Variants in RAPGEF6 observed in about 807,000 individuals in gnomAD.
RAPGEF6 encodes PDZ domain containing guanine nucleotide exchange factor (GEF) 2.
RAPGEF6 carries 56 observed loss-of-function variants against 171.4 expected under a neutral mutation model. That is an observed-to-expected ratio of 0.33 (90% CI 0.26 to 0.41). The LOEUF (loss-of-function observed/expected upper bound fraction) is 0.41, where lower values mean the gene tolerates loss of function less well. Ranked by LOEUF, RAPGEF6 falls within the 10% of genes least tolerant of loss-of-function variation. The pLI is 1.00. For missense variants in RAPGEF6, 1,674 were observed against 1,921.4 expected, an observed-to-expected ratio of 0.87 and a Z score of 2.41; for synonymous variants, 692 against 650.1, an observed-to-expected ratio of 1.06 and a Z score of -0.98.
Position 131,562,020 on chromosome 5 carries a change from T to G in RAPGEF6, c.309A>C (p.Arg103Ser). 6.3e-7 allele frequency: 1 copy of G among 1,590,296 alleles called. No individual in the cohort carries two copies. The highest frequency in any genetic ancestry group is 8.5e-7 in the Non-Finnish European group (1 of 1,170,230). The change falls in exon 5 of 28, where the codon AGA becomes AGC. Residue 103 changes from arginine (R) to serine (S), a missense_variant. By Grantham distance (110) the Arg-to-Ser change is moderately radical. Coordinates refer to ENST00000509018, the MANE Select transcript of RAPGEF6 (RefSeq NM_016340.6). ...GCTCTAATACAAGACAATCACATCC[T>G]CTTTTTCCTCCAAACTGCTTACCAA... is the stretch of plus-strand genomic sequence containing the variant. ...CSFGKQFGGK[R>S]GCDCLVLEPS...
intron 7 of RAPGEF6, among the ~76,000 whole-genome samples, chr5:131,518,764 GATGTT>G (rs1320089614): frequency 6.6e-6 from 1 of 151,820 alleles, no homozygotes; most frequent in Non-Finnish European, 1.5e-5. Flanking sequence ...TTATATATTT[GATGTT>G]AACATTATTA....
intron 4 of RAPGEF6, among the ~76,000 whole-genome samples, chr5:131,586,243 A>G (rs1763247368): frequency 6.6e-6 from 1 of 152,254 alleles, no homozygotes. Flanking sequence ...ATTTCCAACA[A>G]AAATAACCAA....
At chr5:131,615,071 T>C (rs569670875) in intron 1 of RAPGEF6, among the ~76,000 whole-genome samples, 8 of 152,338 alleles carry the variant, frequency 5.3e-5, no homozygotes, top group South Asian at 2.1e-4. Flanking sequence ...TGTGATTTAA[T>C]AGGTCCTACA....
At chr5:131,465,175 T>C (rs530694193) in intron 17 of RAPGEF6, among the ~76,000 whole-genome samples, 3 of 152,300 alleles carry the variant, frequency 2.0e-5, no homozygotes, top group African/African-American at 7.2e-5. Context: ...TTTATTTATT[T>C]GTAACACAAG....
At position 131,433,448 on chromosome 5, in the gene RAPGEF6, T is replaced by C; in HGVS notation, c.3956A>G (p.His1319Arg). The C allele has an allele frequency of 6.2e-7, 1 of 1,611,954 alleles. No homozygotes were observed. Among genetic ancestry groups the C allele is most frequent in the Non-Finnish European group, 8.5e-7 (1 of 1,177,982 alleles). ...TGCTTACCCAGGGCCATGTTGACTA[T>C]GATCTCCTATCCCTGAAGCGTGCTC... Reference protein sequence around the residue: ...KTEHASGIGDHSQHGPGWTLL... With the variant: ...KTEHASGIGDRSQHGPGWTLL... The change falls in exon 25 of 28, where the codon CAT becomes CGT. Residue 1319 changes from histidine to arginine, a missense_variant. Coordinates refer to ENST00000509018, the MANE Select transcript of RAPGEF6 (RefSeq NM_016340.6).
At chr5:131,578,089 G>A (rs1762712348) in intron 4 of RAPGEF6, among the ~76,000 whole-genome samples, 1 of 152,110 alleles carries the variant, frequency 6.6e-6, no homozygotes, top group Non-Finnish European at 1.5e-5. Flanking sequence ...ATTATCTTCT[G>A]GTTTTTCCTC....
At chr5:131,538,957 G>A (rs1759955411) in intron 6 of RAPGEF6, among the ~76,000 whole-genome samples, 2 of 152,168 alleles carry the variant, frequency 1.3e-5, no homozygotes, top group Non-Finnish European at 2.9e-5. Context: ...CCTAAAGGAT[G>A]TTAGATACTC....
In RAPGEF6 at chr5:131,495,555, T is replaced by A. The variant is rs1281256167; in HGVS notation, c.1525A>T (p.Thr509Ser). Residue 509 changes from threonine (T) to serine (S), a missense_variant and splice_region_variant, in exon 13 of 28, where the codon ACA becomes TCA. This residue lies in a region of RAPGEF6 where 1,116 missense variants were observed against 1,321.5 expected (regional missense o/e 0.84). Coordinates refer to ENST00000509018, the MANE Select transcript of RAPGEF6 (RefSeq NM_016340.6). ...LEEFEKNLED[T>S]KMNGHLRLLN... The stretch of plus-strand genomic sequence containing the variant: ...ATAGAAATTATTTTGAGCCTTACTG[T>A]ATCTTCCAGATTTTTTTCAAATTCC... 1 of 1,612,828 alleles carries A rather than the reference T, an allele frequency of 6.2e-7. No individual in the cohort carries two copies. Among genetic ancestry groups the A allele is most frequent in the Admixed American group, 1.7e-5 (1 of 60,000 alleles).
chr5:131,630,076 C>G (rs1023987460), intron 1 of RAPGEF6, among the ~76,000 whole-genome samples: 2 of 152,184 alleles, frequency 1.3e-5, no homozygotes, highest in Non-Finnish European at 2.9e-5. Context: ...GCATCACATG[C>G]TAAAGAGAAA....
At chr5:131,600,193 G>T (rs572634049) in intron 3 of RAPGEF6, among the ~76,000 whole-genome samples, 1 of 152,294 alleles carries the variant, frequency 6.6e-6, no homozygotes, top group Non-Finnish European at 1.5e-5. Context: ...AATCTTTTAT[G>T]AAAATAGTTC....
chr5:131,595,817 G>C (rs1027543843), intron 3 of RAPGEF6, among the ~76,000 whole-genome samples: 1 of 146,224 alleles, frequency 6.8e-6, no homozygotes, highest in Non-Finnish European at 1.5e-5. Flanking sequence ...TGTATGCTGC[G>C]TATAACAGAC....
chr5:131,551,016 C>T lies in RAPGEF6; in HGVS notation c.352-2826G>A, dbSNP rs377324632. ...TATTCATCTTTGTTCACCTAATATT[C>T]AAGACATTTGCCAAAATAGGTGTTT... On this transcript the variant is annotated intron_variant, in intron 5 of 27. Transcript: ENST00000509018. Among the ~76,000 whole-genome samples, 5 of 152,304 alleles carry T rather than the reference C, an allele frequency of 3.3e-5. No homozygotes were observed. The East Asian group carries it at 7.7e-4, about 23-fold the overall frequency.
chr5:131,528,101 A>ATAATT (rs1161631071), intron 6 of RAPGEF6, among the ~76,000 whole-genome samples: 6 of 102,542 alleles, frequency 5.9e-5, no homozygotes, highest in African/African-American at 1.9e-4. Context: ...ATATAAATTT[A>ATAATT]TATATTATAT....
intron 23 of RAPGEF6, among the ~76,000 whole-genome samples, chr5:131,441,427 C>T (rs922056278): frequency 6.6e-6 from 1 of 152,220 alleles, no homozygotes; most frequent in Non-Finnish European, 1.5e-5. Flanking sequence ...ACATACCAAG[C>T]TGTTTCCTCA....
intron 12 of RAPGEF6, 82 bp downstream of exon 12, chr5:131,498,361 A>T (rs1327756507): frequency 1.6e-6 from 2 of 1,261,142 alleles, no homozygotes. Context: ...TTATCATAAT[A>T]AACAGGTAAT....
intron 18 of RAPGEF6, 124 bp from the exon 19 acceptor site, chr5:131,462,212 T>A (rs1753983340): frequency 1.2e-6 from 1 of 845,062 alleles, no homozygotes; most frequent in African/African-American, 1.8e-5. Flanking sequence ...AATATTAATT[T>A]ACAGATAAAA....
chr5:131,521,891 ACTCTCTCTCT>A (rs144983094), intron 6 of RAPGEF6, among the ~76,000 whole-genome samples: 8 of 123,574 alleles, frequency 6.5e-5, no homozygotes, highest in Non-Finnish European at 1.2e-4. Context: ...ACACACACAC[ACTCTCTCTCT>A]CTCTCACACA....
At position 131,453,112 on chromosome 5, in the gene RAPGEF6, G is replaced by A. The variant is rs781015540; in HGVS notation, c.3142C>T (p.Arg1048Cys). Residue 1048 changes from arginine to cysteine, a missense_variant, in exon 21 of 28, where the codon CGC becomes TGC. Coordinates refer to ENST00000509018, the MANE Select transcript of RAPGEF6 (RefSeq NM_016340.6). Reference protein sequence around the residue: ...EKLRMISKEIRQVVRMTSANM... With the variant: ...EKLRMISKEICQVVRMTSANM... ...GCAGAAGTCATTCGAACAACTTGGCGGATTTCCTTGGAAATCATTCTTAAC... is the reference window on the plus strand; with the variant it reads ...GCAGAAGTCATTCGAACAACTTGGCAGATTTCCTTGGAAATCATTCTTAAC... The A allele has an allele frequency of 1.1e-5, 17 of 1,613,776 alleles. 1 individual carries two copies. The Admixed American group carries it at 1.2e-4, about 11-fold the overall frequency.
rs200742101 is a variant in RAPGEF6, at chr5:131,603,356, T to C, written c.141-29A>G. ...TTAAAAAAAAAAATTGAAGATTTTA[T>C]CTTACATTTTGTTTTTAAAATTGTT... On this transcript the variant is annotated intron_variant, in intron 2 of 27. Coordinates refer to ENST00000509018, the MANE Select transcript of RAPGEF6 (RefSeq NM_016340.6). 2,084 of 1,408,482 alleles carry C rather than the reference T, an allele frequency of 1.5e-3. 9 individuals are homozygous for C. Among genetic ancestry groups the C allele is most frequent in the Non-Finnish European group, 1.8e-3 (1,851 of 1,026,888 alleles). 87.2% of individuals were successfully genotyped at this position (1,408,482 alleles called of 1,614,324 possible).
Sources: allele counts gnomAD v4.1 joint callset (sites outside exome capture counted in the v4.1 genomes callset), GRCh38; gene constraint gnomAD v4.1.1; regional missense constraint gnomAD v4.1.1; transcripts MANE v1.5; gene names NCBI Gene and HGNC (gene_info 2026-07-23, HGNC 2026-07-21).